Variants in TMEM114 observed in about 807,000 individuals in gnomAD.
TMEM114 encodes the protein claudin-26.
A neutral mutation model predicts 6.2 loss-of-function variants in TMEM114; 6 were observed. The observed-to-expected ratio is 0.97, with a 90% CI of 0.53 to 1.91. The LOEUF (loss-of-function observed/expected upper bound fraction) is 1.91, where lower values mean the gene tolerates loss of function less well. Among genes scored for constraint, TMEM114 ranks in the 40% most tolerant of loss-of-function variants. The probability of loss-of-function intolerance (pLI) is 0.01; values close to 1 mark genes in which losing one functional copy is unlikely to be tolerated. For missense variants in TMEM114, 218 were observed against 158.3 expected (o/e 1.38, Z -2.02); for synonymous variants, 104 against 73.0 (o/e 1.42, Z -2.16).
downstream of TMEM114, among the ~76,000 whole-genome samples, chr16:8,536,308 G>T (rs539681047): frequency 6.6e-5 from 10 of 151,552 alleles, no homozygotes; most frequent in African/African-American, 2.4e-4. Context: ...ATTATTTTTA[G>T]CCCCCAGGTA....
chr16:8,529,378 T>G, the TMEM114 span, among the ~76,000 whole-genome samples: 1 of 152,180 alleles, frequency 6.6e-6, no homozygotes, highest in Non-Finnish European at 1.5e-5. Context: ...AACCCATTAG[T>G]GGAAATGGCT....
chr16:8,544,333 C>T (rs1360751186), intron 2 of TMEM114, among the ~76,000 whole-genome samples: 2 of 152,160 alleles, frequency 1.3e-5, no homozygotes, highest in African/African-American at 2.4e-5. Context: ...TTAACTGAGC[C>T]AGGCATCAAG....
intron 3 of TMEM114, among the ~76,000 whole-genome samples, chr16:8,570,404 T>A (rs1191960514): frequency 6.6e-6 from 1 of 152,140 alleles, no homozygotes; most frequent in Non-Finnish European, 1.5e-5. Context: ...CGATCTCAGC[T>A]TGCTGCAACC....
intron 2 of TMEM114, among the ~76,000 whole-genome samples, chr16:8,561,601 G>A (rs1001255456): frequency 3.9e-5 from 6 of 152,206 alleles, no homozygotes; most frequent in African/African-American, 1.2e-4. Flanking sequence ...GAGTCGATGA[G>A]CATATGAATG....
intron 2 of TMEM114, among the ~76,000 whole-genome samples, chr16:8,556,930 C>T (rs1901031122): frequency 6.6e-6 from 1 of 152,176 alleles, no homozygotes; most frequent in African/African-American, 2.4e-5. Flanking sequence ...CCCCTGCTGA[C>T]CGCTCCAGCC....
chr16:8,588,375 G>T (rs1397715962), intron 2 of TMEM114, among the ~76,000 whole-genome samples: 6 of 151,966 alleles, frequency 3.9e-5, no homozygotes, highest in African/African-American at 1.5e-4. Context: ...GAACCTCTCT[G>T]GGCCTCCTCA....
chr16:8,540,839 G>A (rs939247922), intron 2 of TMEM114, among the ~76,000 whole-genome samples: 3 of 152,370 alleles, frequency 2.0e-5, no homozygotes, highest in African/African-American at 4.8e-5. Context: ...TGTTTCAAGA[G>A]CTGACAACAG....
intron 2 of TMEM114, among the ~76,000 whole-genome samples, chr16:8,580,024 A>G (rs555126802): frequency 2.0e-5 from 3 of 152,142 alleles, no homozygotes; most frequent in Admixed American, 6.5e-5. Flanking sequence ...GAAAATGCCA[A>G]CATCCAGAAG....
rs201803683 is a variant in TMEM114, at chr16:8,542,144, G to GC, written n.213-4319_213-4318insG. On this transcript the variant is annotated intron_variant and non_coding_transcript_variant, in intron 2 of 2. Coordinates refer to the TMEM114 transcript ENST00000623677. The stretch of plus-strand genomic sequence containing the variant: ...GTTGAGATGTTGAGGATGATTCGTG[G>GC]GGGGGGGTCCCTTGACCAAGGAGGA... Among the ~76,000 whole-genome samples the GC allele has an allele frequency of 3.9e-3, 577 of 147,062 alleles. 4 individuals are homozygous for GC. Among genetic ancestry groups the GC allele is most frequent in the Non-Finnish European group, 5.9e-3 (392 of 66,246 alleles).
At chr16:8,544,059 G>C (rs886584513) in intron 2 of TMEM114, among the ~76,000 whole-genome samples, 16 of 152,150 alleles carry the variant, frequency 1.1e-4, no homozygotes, top group African/African-American at 3.6e-4. Context: ...AACAGCATTA[G>C]CCTAGGTTTT....
At position 8,572,114 on chromosome 16, in the gene TMEM114, G is replaced by C; in HGVS notation, c.412C>G (p.Leu138Val). The change falls in exon 3 of 4, where the codon CTC becomes GTC. Residue 138 changes from leucine (L) to valine (V), a missense_variant. Transcript: ENST00000620492. ...FLLQAYLLLL[L>V]TGILFLFGAM... ...CCAAAGAGGAAGAGAATTCCAGTGAGCAGGAGGAGGAGGTAGGCTTGGAGG... is the reference window on the plus strand; with the variant it reads ...CCAAAGAGGAAGAGAATTCCAGTGACCAGGAGGAGGAGGTAGGCTTGGAGG... 1 of 1,551,062 alleles carries C rather than the reference G, an allele frequency of 6.4e-7. No homozygotes were observed. Among genetic ancestry groups the C allele is most frequent in the Non-Finnish European group, 8.7e-7 (1 of 1,146,680 alleles).
intron 2 of TMEM114, among the ~76,000 whole-genome samples, chr16:8,563,520 A>C (rs1208792945): frequency 6.6e-6 from 1 of 151,110 alleles, no homozygotes; most frequent in Non-Finnish European, 1.5e-5. Context: ...GAAAAGAGTG[A>C]GTGAATGAGT....
At chr16:8,576,520 C>A (rs991519258) in intron 2 of TMEM114, among the ~76,000 whole-genome samples, 1 of 152,096 alleles carries the variant, frequency 6.6e-6, no homozygotes, top group Non-Finnish European at 1.5e-5. Flanking sequence ...CACTGGCAAG[C>A]GGGAAAGGAT....
intron 2 of TMEM114, among the ~76,000 whole-genome samples, chr16:8,549,309 G>A (rs532848565): frequency 2.0e-5 from 3 of 151,634 alleles, no homozygotes; most frequent in African/African-American, 7.3e-5. Flanking sequence ...AGACCAGCCT[G>A]GCCAACATGA....
chr16:8,568,238 C>A (rs1901610693), downstream of TMEM114, among the ~76,000 whole-genome samples: 1 of 152,212 alleles, frequency 6.6e-6, no homozygotes, highest in African/African-American at 2.4e-5. Context: ...AATCATGTGG[C>A]ACCCCAGAGA....
At position 8,569,795 on chromosome 16, in the gene TMEM114, C is replaced by T. The variant is rs998050950; in HGVS notation, c.650G>A (p.Arg217Gln). The T allele has an allele frequency of 6.4e-7, 1 of 1,550,484 alleles. No homozygotes were observed. Among genetic ancestry groups the T allele is most frequent in the Non-Finnish European group, 8.7e-7 (1 of 1,146,878 alleles). The change falls in exon 4 of 4, where the codon CGG (arginine) becomes CAG (glutamine). Residue 217 changes from arginine (R) to glutamine (Q), a missense_variant. Transcript: ENST00000620492. ...GGCTCATATGGCCTGGTCCTGCCTCCGTCTCAGGCTGAGCTCGCGGGCTGC... is the reference window on the plus strand; with the variant it reads ...GGCTCATATGGCCTGGTCCTGCCTCTGTCTCAGGCTGAGCTCGCGGGCTGC... ...LAAARELSLR[R>Q]RQDQAI
At chr16:8,555,545 G>C (rs373065574) in intron 2 of TMEM114, among the ~76,000 whole-genome samples, 1 of 152,198 alleles carries the variant, frequency 6.6e-6, no homozygotes, top group East Asian at 1.9e-4. Context: ...ATGGTAAACT[G>C]TCATGGCGCT....
downstream of TMEM114, among the ~76,000 whole-genome samples, chr16:8,535,668 G>A (rs992760496): frequency 2.0e-5 from 3 of 152,268 alleles, no homozygotes; most frequent in East Asian, 3.9e-4. Flanking sequence ...GATGAATGTG[G>A]CATTGCAGCA....
chr16:8,548,437 C>A (rs370251353), intron 2 of TMEM114, among the ~76,000 whole-genome samples: 1 of 152,228 alleles, frequency 6.6e-6, no homozygotes, highest in Admixed American at 6.5e-5. Flanking sequence ...GCTTTACAAC[C>A]TTTTATTATT....
Sources: gnomAD v4.1 joint callset for allele counts (sites outside exome capture counted in the v4.1 genomes callset) on GRCh38, gnomAD v4.1.1 for gene constraint, MANE v1.5 for transcripts, NCBI Gene and HGNC (gene_info 2026-07-23, HGNC 2026-07-21) for gene names.